Variants in TTC28 observed in about 807,000 individuals in gnomAD.
TTC28 encodes the protein tetratricopeptide repeat domain 28.
A neutral mutation model predicts 198.0 loss-of-function variants in TTC28; 61 were observed. That is an observed-to-expected ratio of 0.31 (90% CI 0.25 to 0.38). The LOEUF (loss-of-function observed/expected upper bound fraction) is 0.38, where lower values mean the gene tolerates loss of function less well. TTC28 is among the 10% of genes least tolerant of loss of function. TTC28 has a pLI of 1.00. For missense variants in TTC28, 2,678 were observed against 3,164.0 expected, an observed-to-expected ratio of 0.85 and a Z score of 3.69; for synonymous variants, 1,171 against 1,297.8, an observed-to-expected ratio of 0.90 and a Z score of 2.10.
chr22:28,553,880 C>T (rs561818620), intron 2 of TTC28, among the ~76,000 whole-genome samples: 9 of 151,624 alleles, frequency 5.9e-5, no homozygotes, highest in Admixed American at 1.3e-4. Context: ...GTGTGCCCAG[C>T]GGCTCATTGA....
intron 2 of TTC28, among the ~76,000 whole-genome samples, chr22:28,514,952 T>G (rs554570261): frequency 6.6e-6 from 1 of 152,338 alleles, no homozygotes; most frequent in East Asian, 1.9e-4. Context: ...TGTAATGTAT[T>G]CAGCTTTTAT....
intron 1 of TTC28, among the ~76,000 whole-genome samples, chr22:28,679,198 C>T (rs1337246720): frequency 6.6e-6 from 1 of 152,346 alleles, no homozygotes; most frequent in South Asian, 2.1e-4. Flanking sequence ...ACAAACCCCA[C>T]CCCGGAAAGG....
At chr22:28,480,636 G>C (rs2048233612) in intron 2 of TTC28, among the ~76,000 whole-genome samples, 1 of 152,108 alleles carries the variant, frequency 6.6e-6, no homozygotes, top group Non-Finnish European at 1.5e-5. Flanking sequence ...TAAGAACCAA[G>C]TCAAAAGCTG....
At chr22:28,333,364 A>G (rs1003905326) in intron 2 of TTC28, among the ~76,000 whole-genome samples, 8 of 152,148 alleles carry the variant, frequency 5.3e-5, no homozygotes, top group African/African-American at 1.9e-4. Flanking sequence ...AGATATAAAT[A>G]ACTTAGTATA....
At chr22:28,345,376 T>C (rs1237252035) in intron 2 of TTC28, among the ~76,000 whole-genome samples, 1 of 152,152 alleles carries the variant, frequency 6.6e-6, no homozygotes, top group African/African-American at 2.4e-5. Flanking sequence ...AAAATTCTTA[T>C]ACAGTGCATG....
At chr22:28,225,023 G>A (rs924988967) in intron 5 of TTC28, among the ~76,000 whole-genome samples, 2 of 152,028 alleles carry the variant, frequency 1.3e-5, no homozygotes, top group African/African-American at 4.8e-5. Flanking sequence ...CCTTAAACAG[G>A]CTATCCATTA....
intron 12 of TTC28, among the ~76,000 whole-genome samples, chr22:28,051,804 G>C (rs1370796622): frequency 2.0e-5 from 3 of 152,078 alleles, no homozygotes; most frequent in Non-Finnish European, 4.4e-5. Context: ...CCATGGCTTC[G>C]AAGCCATGAT....
intron 5 of TTC28, among the ~76,000 whole-genome samples, chr22:28,190,989 C>A (rs1924684178): frequency 6.6e-6 from 1 of 152,086 alleles, no homozygotes; most frequent in Non-Finnish European, 1.5e-5. Flanking sequence ...TGATGACTTC[C>A]CAGTGCATAT....
chr22:28,014,423 G>A (rs1383419907), intron 13 of TTC28, 31 bp from the exon 14 acceptor site: 1 of 1,530,388 alleles, frequency 6.5e-7, no homozygotes, highest in Admixed American at 2.0e-5. Flanking sequence ...GGATCAATCA[G>A]GGCCACTCAG....
chr22:28,190,068 T>A (rs1313480306), intron 5 of TTC28, among the ~76,000 whole-genome samples: 1 of 152,054 alleles, frequency 6.6e-6, no homozygotes, highest in Non-Finnish European at 1.5e-5. Flanking sequence ...CATAAAGAGG[T>A]GAAGTAAATG....
chr22:28,402,200 G>T (rs2046922717), intron 2 of TTC28, among the ~76,000 whole-genome samples: 1 of 152,184 alleles, frequency 6.6e-6, no homozygotes, highest in African/African-American at 2.4e-5. Context: ...GAAAACTTTG[G>T]CATGGTAGGC....
rs775969352 is a variant in TTC28 at position 27,982,647 on chromosome 22, G to A, written c.7020C>T (p.Pro2340=). Reference sequence around the variant, plus strand: ...CTGCCATTTTCAGTTTGTCTATGTCGGGAGCGTCTGCTGGACTTGAGCGAG... The same window carrying A: ...CTGCCATTTTCAGTTTGTCTATGTCAGGAGCGTCTGCTGGACTTGAGCGAG... The part of the protein sequence containing the change: ...GSARSSPADA[P]DIDKLKMAAI... The change falls in exon 23 of 23, where the codon CCC becomes CCT. Residue 2340 remains proline, a synonymous_variant. Transcript: ENST00000397906. The surrounding 1 kb of genome is among the most constrained non-coding windows in gnomAD (Gnocchi z 5.2). The A allele has an allele frequency of 2.6e-5, 40 of 1,551,580 alleles. No homozygotes were observed. The highest frequency in any genetic ancestry group is 1.2e-4 in the Admixed American group (6 of 50,972).
At chr22:28,423,410 AAAG>A (rs1215061665) in intron 2 of TTC28, among the ~76,000 whole-genome samples, 3 of 152,100 alleles carry the variant, frequency 2.0e-5, no homozygotes, top group African/African-American at 7.2e-5. Flanking sequence ...AAAAAAGAAA[AAAG>A]AAAACAACAA....
intron 2 of TTC28, among the ~76,000 whole-genome samples, chr22:28,474,360 T>C (rs951779703): frequency 2.6e-5 from 4 of 152,304 alleles, no homozygotes; most frequent in South Asian, 4.1e-4. Context: ...AGAAGTACCA[T>C]GTACCTCTGG....
At chr22:28,123,385 A>G (rs1942838676) in intron 6 of TTC28, among the ~76,000 whole-genome samples, 1 of 152,010 alleles carries the variant, frequency 6.6e-6, no homozygotes, top group South Asian at 2.1e-4. Flanking sequence ...CCTCCCAAGT[A>G]GCTGGGACTA....
chr22:28,450,635 C>T (rs538089154), intron 2 of TTC28, among the ~76,000 whole-genome samples: 2 of 152,154 alleles, frequency 1.3e-5, no homozygotes. Context: ...CTTTCATCAT[C>T]ACACCATAGA....
chr22:28,085,760 G>A (rs888264679), intron 12 of TTC28, among the ~76,000 whole-genome samples: 6 of 152,052 alleles, frequency 3.9e-5, no homozygotes, highest in African/African-American at 1.4e-4. Context: ...CTGTATTCAG[G>A]AAACCCACCT....
At chr22:28,475,835 T>C (rs1405873899) in intron 2 of TTC28, among the ~76,000 whole-genome samples, 5 of 152,178 alleles carry the variant, frequency 3.3e-5, no homozygotes, top group Admixed American at 1.3e-4. Context: ...AAAACCATAG[T>C]GTACAGGATG....
chr22:28,139,518 C>T (rs1411895130), intron 6 of TTC28, among the ~76,000 whole-genome samples: 1 of 152,092 alleles, frequency 6.6e-6, no homozygotes, highest in Non-Finnish European at 1.5e-5. Flanking sequence ...AAATATCAAA[C>T]TGTCAAAATG....
Sources: allele counts gnomAD v4.1 joint callset (sites outside exome capture counted in the v4.1 genomes callset), GRCh38; gene constraint gnomAD v4.1.1; non-coding constraint Gnocchi (gnomAD v3.1); transcripts MANE v1.5; gene names NCBI Gene and HGNC (gene_info 2026-07-23, HGNC 2026-07-21).